IL19: variants seen among roughly 807,000 people sequenced by gnomAD.
IL19 encodes interleukin-19.
IL19 carries 15 observed loss-of-function variants against 19.5 expected under a neutral mutation model. The observed-to-expected ratio is 0.77, with a 90% CI of 0.52 to 1.19. IL19 has a LOEUF of 1.19. Ranked by LOEUF, IL19 falls within the 50% of genes most tolerant of loss-of-function variation. The pLI is 0.00. For missense variants in IL19, 199 were observed against 213.1 expected, an observed-to-expected ratio of 0.93 and a Z score of 0.41; for synonymous variants, 78 against 78.3, an observed-to-expected ratio of 1.00 and a Z score of 0.02.
intron 2 of IL19, among the ~76,000 whole-genome samples, chr1:206,805,142 C>T (rs915010053): frequency 2.6e-5 from 4 of 152,186 alleles, no homozygotes; most frequent in Admixed American, 6.5e-5. Flanking sequence ...CAGTTAGCTG[C>T]CTGGGATGGT....
intron 1 of IL19, among the ~76,000 whole-genome samples, chr1:206,775,103 T>C (rs377447388): frequency 9.9e-5 from 15 of 151,870 alleles, no homozygotes; most frequent in Non-Finnish European, 1.5e-4. Flanking sequence ...TGCAGTGGCA[T>C]GATCTCAGCT....
Position 206,842,532 on chromosome 1 carries a change from G to A in IL19, c.444G>A (p.Glu148=), listed in dbSNP as rs758846775. ...RVIHDNYDQL[E]VHAAAIKSLG... is the part of the protein sequence containing the mutation. ...ACATTGATCTCTGATTTCAGCTGGAGGTCCACGCTGCTGCCATTAAATCCC... is the reference window on the plus strand; with the variant it reads ...ACATTGATCTCTGATTTCAGCTGGAAGTCCACGCTGCTGCCATTAAATCCC... The change falls in exon 7 of 7, where the codon GAG becomes GAA. Residue 148 remains glutamate (E), a synonymous_variant. Coordinates refer to ENST00000659997, the MANE Select transcript of IL19 (RefSeq NM_153758.5). 1.4e-4 allele frequency: 212 copies of A among 1,560,404 alleles called. No homozygotes were observed. The highest frequency in any genetic ancestry group is 1.7e-4 in the Non-Finnish European group (195 of 1,149,208).
intron 2 of IL19, among the ~76,000 whole-genome samples, chr1:206,823,067 C>G (rs1345285980): frequency 6.6e-6 from 1 of 151,804 alleles, no homozygotes; most frequent in African/African-American, 2.4e-5. Flanking sequence ...GTAGCTGGGA[C>G]TAAAGGCATG....
chr1:206,788,315 A>C (rs896286934), intron 1 of IL19, among the ~76,000 whole-genome samples: 1 of 152,208 alleles, frequency 6.6e-6, no homozygotes, highest in African/African-American at 2.4e-5. Context: ...TACCTGTCTT[A>C]GTTGGTTTCC....
chr1:206,790,728 C>T (rs1675380789), intron 1 of IL19, among the ~76,000 whole-genome samples: 1 of 152,208 alleles, frequency 6.6e-6, no homozygotes, highest in Admixed American at 6.5e-5. Context: ...ACCTCATCCC[C>T]TTCCCCCATT....
At chr1:206,794,350 C>T (rs1675472233) in intron 1 of IL19, among the ~76,000 whole-genome samples, 1 of 152,190 alleles carries the variant, frequency 6.6e-6, no homozygotes, top group East Asian at 1.9e-4. Context: ...CTATTTCTGT[C>T]TACGGTCCGT....
intron 1 of IL19, among the ~76,000 whole-genome samples, chr1:206,794,693 G>A (rs1675479423): frequency 6.6e-6 from 1 of 152,168 alleles, no homozygotes; most frequent in African/African-American, 2.4e-5. Flanking sequence ...GACCTGCGAG[G>A]TGGGTAGGGG....
intron 2 of IL19, among the ~76,000 whole-genome samples, chr1:206,823,000 G>C (rs1676327279): frequency 6.6e-6 from 1 of 151,706 alleles, no homozygotes; most frequent in African/African-American, 2.4e-5. Flanking sequence ...TGTGATCTCG[G>C]CTCACTGCAG....
chr1:206,831,196 G>A (rs1676600776), intron 2 of IL19, among the ~76,000 whole-genome samples: 1 of 152,190 alleles, frequency 6.6e-6, no homozygotes, highest in Admixed American at 6.5e-5. Context: ...AGGTTGGAGT[G>A]CATGTTAGGC....
chr1:206,772,780 T>C (rs1158915434), intron 1 of IL19, among the ~76,000 whole-genome samples: 4 of 152,224 alleles, frequency 2.6e-5, no homozygotes, highest in African/African-American at 7.2e-5. Flanking sequence ...GGAGAACAGC[T>C]GTTCTGTGCG....
At chr1:206,837,553 T>C (rs1676840645) in intron 4 of IL19, among the ~76,000 whole-genome samples, 1 of 152,114 alleles carries the variant, frequency 6.6e-6, no homozygotes, top group South Asian at 2.1e-4. Flanking sequence ...CTCAGGCTTA[T>C]AATACAGACA....
chr1:206,840,893 C>T (rs1187650210), intron 5 of IL19, 111 bp from the exon 6 acceptor site: 5 of 845,804 alleles, frequency 5.9e-6, no homozygotes, highest in Non-Finnish European at 9.9e-6. Flanking sequence ...ACTCATCTGA[C>T]TCTCACTGTG....
chr1:206,815,745 G>A (rs1287920249), intron 2 of IL19, among the ~76,000 whole-genome samples: 1 of 152,048 alleles, frequency 6.6e-6, no homozygotes, highest in African/African-American at 2.4e-5. Flanking sequence ...CATGGGAGAG[G>A]AAGAAAGATA....
intron 2 of IL19, chr1:206,829,013 T>TC (rs1211958208): frequency 5.1e-5 from 6 of 117,222 alleles, no homozygotes; most frequent in African/African-American, 1.6e-4. Context: ...ACATGCAGCT[T>TC]TTTTTTTTTT....
At chr1:206,801,241 T>C (rs1301099781) in intron 2 of IL19, among the ~76,000 whole-genome samples, 1 of 151,702 alleles carries the variant, frequency 6.6e-6, no homozygotes, top group Non-Finnish European at 1.5e-5. Context: ...CTGTAGCCCA[T>C]GGCCTTCTAG....
chr1:206,778,425 G>T (rs1488960903), intron 1 of IL19, among the ~76,000 whole-genome samples: 3 of 152,164 alleles, frequency 2.0e-5, no homozygotes, highest in Admixed American at 6.5e-5. Context: ...GGGCTCCTGA[G>T]TGTGGGGCAC....
chr1:206,827,547 A>G (rs1166119110), intron 2 of IL19, among the ~76,000 whole-genome samples: 2 of 152,026 alleles, frequency 1.3e-5, no homozygotes, highest in South Asian at 4.2e-4. Context: ...AAAATTAGCC[A>G]GGCGAGGTGG....
chr1:206,815,210 C>G (rs1297448886), intron 2 of IL19, among the ~76,000 whole-genome samples: 1 of 152,142 alleles, frequency 6.6e-6, no homozygotes, highest in Non-Finnish European at 1.5e-5. Context: ...GTTCCAAGAA[C>G]AAACAGCCTG....
At chr1:206,838,615 G>A (rs1021925414) in intron 4 of IL19, among the ~76,000 whole-genome samples, 3 of 152,160 alleles carry the variant, frequency 2.0e-5, no homozygotes, top group Non-Finnish European at 4.4e-5. Flanking sequence ...TAGTGGCAGA[G>A]TTAGGAACAG....
Sources: allele counts gnomAD v4.1 joint callset (sites outside exome capture counted in the v4.1 genomes callset), GRCh38; gene constraint gnomAD v4.1.1; transcripts MANE v1.5; gene names NCBI Gene and HGNC (gene_info 2026-07-23, HGNC 2026-07-21).